The following C1orf87 variants were observed in gnomAD, a reference collection of about 807,000 sequenced individuals.
The protein encoded by C1orf87 is uncharacterized protein C1orf87.
C1orf87 carries 58 observed loss-of-function variants against 60.5 expected under a neutral mutation model. The ratio of observed to expected loss-of-function variants is 0.96; its 90% CI spans 0.78 to 1.19. The LOEUF (loss-of-function observed/expected upper bound fraction) is 1.19, where lower values mean the gene tolerates loss of function less well. Ranked by LOEUF, C1orf87 falls within the 50% of genes most tolerant of loss-of-function variation. The probability of loss-of-function intolerance (pLI) is 0.00; values close to 1 mark genes in which losing one functional copy is unlikely to be tolerated. For synonymous variants in C1orf87, 236 were observed against 227.4 expected (o/e 1.04, Z -0.34); for missense variants, 673 against 638.6 (o/e 1.05, Z -0.58).
At chr1:59,993,983 T>C (rs909392969) in intron 11 of C1orf87, among the ~76,000 whole-genome samples, 3 of 152,054 alleles carry the variant, frequency 2.0e-5, no homozygotes, top group African/African-American at 4.8e-5. Flanking sequence ...GGTCTCGAAC[T>C]CCTGACCTCA....
intron 2 of C1orf87, among the ~76,000 whole-genome samples, chr1:60,067,904 G>A (rs1352399823): frequency 6.6e-6 from 1 of 151,990 alleles, no homozygotes; most frequent in African/African-American, 2.4e-5. Context: ...TTTGTATAAG[G>A]TATAAGGAAG....
chr1:60,017,626 C>G (rs1018994512), intron 8 of C1orf87, among the ~76,000 whole-genome samples: 16 of 152,148 alleles, frequency 1.1e-4, no homozygotes, highest in African/African-American at 3.9e-4. Flanking sequence ...TCCTTAATTA[C>G]CATTTATTGC....
At chr1:60,038,524 G>C (rs1007536071) in intron 5 of C1orf87, among the ~76,000 whole-genome samples, 2 of 151,796 alleles carry the variant, frequency 1.3e-5, no homozygotes. Flanking sequence ...TGGCTCTATG[G>C]AAATAAACAT....
chr1:59,990,578 A>T lies in C1orf87; in HGVS notation c.*95T>A, dbSNP rs1184257602. 6.9e-7 allele frequency: 1 copy of T among 1,445,634 alleles called. No individual in the cohort carries two copies. Among genetic ancestry groups the T allele is most frequent in the Non-Finnish European group, 9.4e-7 (1 of 1,062,416 alleles). The allele number at this position is 1,445,634 out of a possible 1,614,324, so 89.6% of individuals were successfully genotyped here. On this transcript the variant is annotated 3_prime_UTR_variant, in exon 12 of 12. Coordinates refer to ENST00000371201, the MANE Select transcript of C1orf87 (RefSeq NM_152377.3). ...AGCTGCATCGGCCTCCACTCTGACA[A>T]TGCCTCCGCCACTACACTTAGGCTG...
chr1:60,054,434 A>T lies in C1orf87; in HGVS notation c.342+770T>A, dbSNP rs567345143. Among the ~76,000 whole-genome samples, 4 of 152,376 alleles carry T rather than the reference A, an allele frequency of 2.6e-5. No homozygotes were observed. The East Asian group carries it at 7.7e-4, about 29-fold the overall frequency. On this transcript the variant is annotated intron_variant, in intron 3 of 11. Coordinates refer to ENST00000371201, the MANE Select transcript of C1orf87 (RefSeq NM_152377.3). ...GCAGCTCAGTGATTTAGAAAGGGCT[A>T]TTAAAATTACAAACTAAAAATAGTT...
intron 6 of C1orf87, among the ~76,000 whole-genome samples, chr1:60,034,743 T>A (rs1014878904): frequency 6.6e-6 from 1 of 152,066 alleles, no homozygotes; most frequent in Non-Finnish European, 1.5e-5. Context: ...CCTTAATAGG[T>A]CTCCTCCAAC....
chr1:60,039,875 A>G, intron 5 of C1orf87, 42 bp downstream of exon 5: 1 of 1,576,270 alleles, frequency 6.3e-7, no homozygotes, highest in Admixed American at 1.9e-5. Context: ...CAAGTTAAGG[A>G]AACAAAAGGA....
intron 5 of C1orf87, 40 bp from the exon 6 acceptor site, chr1:60,038,147 T>C: frequency 7.6e-7 from 1 of 1,320,512 alleles, no homozygotes; most frequent in Non-Finnish European, 1.0e-6. Flanking sequence ...TCATTTAATT[T>C]ATATGTAAGG....
intron 9 of C1orf87, among the ~76,000 whole-genome samples, chr1:60,007,154 C>T (rs1356857766): frequency 6.6e-6 from 1 of 152,056 alleles, no homozygotes; most frequent in Non-Finnish European, 1.5e-5. Context: ...TCAAGTGATC[C>T]TCCCACTTAG....
chr1:60,044,175 G>A (rs1196188772), intron 3 of C1orf87, among the ~76,000 whole-genome samples: 9 of 152,094 alleles, frequency 5.9e-5, no homozygotes, highest in Admixed American at 5.2e-4. Flanking sequence ...GACTACAGGC[G>A]CCCGCCACCA....
At chr1:60,033,151 G>A (rs939086513) in intron 7 of C1orf87, among the ~76,000 whole-genome samples, 2 of 152,206 alleles carry the variant, frequency 1.3e-5, no homozygotes, top group African/African-American at 4.8e-5. Context: ...CTCATTGGAA[G>A]CCAGGAAAGA....
At chr1:60,021,664 A>G (rs1047162002) in intron 8 of C1orf87, among the ~76,000 whole-genome samples, 3 of 152,224 alleles carry the variant, frequency 2.0e-5, no homozygotes, top group South Asian at 2.1e-4. Flanking sequence ...GGATACATCA[A>G]TGAATAAAAC....
intron 2 of C1orf87, among the ~76,000 whole-genome samples, chr1:60,067,723 T>G (rs1049512113): frequency 2.0e-5 from 3 of 152,096 alleles, no homozygotes; most frequent in African/African-American, 7.2e-5. Flanking sequence ...GTTCTTTAAT[T>G]TAATTATATC....
chr1:60,065,992 G>A lies in C1orf87; in HGVS notation c.107+6545C>T, dbSNP rs548267437. ...TTTACACTATACTGTAGTCTCTAAT[G>A]TGTGCAATACAATAGTCTAAAAAAC... On this transcript the variant is annotated intron_variant, in intron 2 of 11. Transcript: ENST00000371201. Among the ~76,000 whole-genome samples the A allele has an allele frequency of 3.7e-3, 556 of 152,162 alleles. 4 individuals carry two copies. Among genetic ancestry groups the A allele is most frequent in the African/African-American group, 0.013 (528 of 41,504 alleles).
intron 10 of C1orf87, among the ~76,000 whole-genome samples, chr1:59,998,965 A>C (rs1422589684): frequency 1.3e-5 from 2 of 152,146 alleles, no homozygotes; most frequent in Non-Finnish European, 2.9e-5. Context: ...GGTTTTGTTC[A>C]TTGAAATCTA....
chr1:60,058,049 G>A (rs1041207224), intron 2 of C1orf87, among the ~76,000 whole-genome samples: 2 of 152,162 alleles, frequency 1.3e-5, no homozygotes, highest in Admixed American at 1.3e-4. Context: ...GAAGGAGAGT[G>A]TATATTTGAC....
intron 7 of C1orf87, among the ~76,000 whole-genome samples, chr1:60,028,807 T>A (rs2100280659): frequency 6.6e-6 from 1 of 152,290 alleles, no homozygotes; most frequent in East Asian, 1.9e-4. Flanking sequence ...TGGCCGATCA[T>A]GCCATCCTTC....
intron 3 of C1orf87, among the ~76,000 whole-genome samples, chr1:60,048,660 T>C (rs1408320694): frequency 6.6e-6 from 1 of 152,136 alleles, no homozygotes; most frequent in Non-Finnish European, 1.5e-5. Flanking sequence ...CAGAGAAGTA[T>C]GGTTTCTATT....
At chr1:59,997,502 A>G in intron 11 of C1orf87, 107 bp downstream of exon 11, 1 of 975,442 alleles carries the variant, frequency 1.0e-6, no homozygotes. Flanking sequence ...CACATGATTT[A>G]TATATTAATT....
Sources: gnomAD v4.1 joint callset for allele counts (sites outside exome capture counted in the v4.1 genomes callset) on GRCh38, gnomAD v4.1.1 for gene constraint, MANE v1.5 for transcripts, NCBI Gene and HGNC (gene_info 2026-07-23, HGNC 2026-07-21) for gene names.